The following FUT9 variants were observed in gnomAD, a reference collection of about 807,000 sequenced individuals.
FUT9 encodes the protein fucosyltransferase 9, also known as 4-galactosyl-N-acetylglucosaminide 3-alpha-L-fucosyltransferase 9.
FUT9 carries 15 observed loss-of-function variants against 29.7 expected under a neutral mutation model. That is an observed-to-expected ratio of 0.51 (90% CI 0.34 to 0.78). The LOEUF is 0.78. Among genes scored for constraint, FUT9 ranks in the 30% least tolerant of loss-of-function variants. The pLI is 0.01. For synonymous variants in FUT9, 169 were observed against 153.7 expected, an observed-to-expected ratio of 1.10 and a Z score of -0.74; for missense variants, 319 against 425.4, an observed-to-expected ratio of 0.75 and a Z score of 2.20.
chr6:96,077,706 C>G (rs1042328942), intron 1 of FUT9, among the ~76,000 whole-genome samples: 7 of 152,238 alleles, frequency 4.6e-5, no homozygotes, highest in Middle Eastern at 6.8e-3. Context: ...TTTTTTGGAG[C>G]ATATCCTACA....
chr6:96,187,581 G>C (rs1204162100), intron 2 of FUT9, among the ~76,000 whole-genome samples: 1 of 152,122 alleles, frequency 6.6e-6, no homozygotes, highest in East Asian at 1.9e-4. Flanking sequence ...ATTTTCAGTG[G>C]TAAGATCAAC....
In FUT9 at chr6:96,117,057, G is replaced by T. The variant is rs576707575; in HGVS notation, c.-9+2930G>T. On this transcript the variant is annotated intron_variant, in intron 2 of 2. Transcript: ENST00000302103. ...AAATGTAATATATAAACTTACTGAAGGTGATGCAGTCAAAGGATCTAGCCT... is the reference window on the plus strand; with the variant it reads ...AAATGTAATATATAAACTTACTGAATGTGATGCAGTCAAAGGATCTAGCCT... Among the ~76,000 whole-genome samples, 362 of 152,266 alleles carry T rather than the reference G, an allele frequency of 2.4e-3. 1 individual carries two copies. Among genetic ancestry groups the T allele is most frequent in the African/African-American group, 8.5e-3 (354 of 41,556 alleles).
chr6:96,071,012 T>G (rs1771049850), intron 1 of FUT9, among the ~76,000 whole-genome samples: 1 of 152,216 alleles, frequency 6.6e-6, no homozygotes, highest in Non-Finnish European at 1.5e-5. Flanking sequence ...AAAATAAATA[T>G]GAGCACTCTC....
At chr6:96,195,199 G>C (rs945454833) in intron 2 of FUT9, among the ~76,000 whole-genome samples, 3 of 152,012 alleles carry the variant, frequency 2.0e-5, no homozygotes, top group African/African-American at 7.2e-5. Context: ...GAAGAAGAAA[G>C]AATTTTAAAA....
rs1285596542 is a variant in FUT9 at position 96,208,291 on chromosome 6, TAA to T, written c.*4058_*4059del. 1.8e-5 allele frequency: 3 copies of T among 166,608 alleles called. No homozygotes were observed. The highest frequency in any genetic ancestry group is 7.2e-5 in the African/African-American group (3 of 41,386). The allele number at this position is 166,608 out of a possible 1,614,324, so 10.3% of individuals were successfully genotyped here. A position where few individuals can be genotyped will look rare whatever the true frequency, so the allele number is the denominator to read the frequency against. On this transcript the variant is annotated 3_prime_UTR_variant, in exon 3 of 3. Transcript: ENST00000302103. ...CCTAGAATTTTTTTTTTGCGTGAAT[TAA>T]AGTTACCACAAATTTCAGGTCCTTA...
At position 96,204,812 on chromosome 6, in the gene FUT9, A is replaced by T. The variant is rs1236359053; in HGVS notation, c.*577A>T. On this transcript the variant is annotated 3_prime_UTR_variant, in exon 3 of 3. Coordinates refer to ENST00000302103, the MANE Select transcript of FUT9 (RefSeq NM_006581.4). ...CATGGAGTGAATAAGAAAGATATGA[A>T]GCAGAACTGTTCTATTCGGGAAGCT... The T allele has an allele frequency of 6.0e-6, 1 of 166,672 alleles. No homozygotes were observed. Among genetic ancestry groups the T allele is most frequent in the Non-Finnish European group, 1.5e-5 (1 of 68,090 alleles). The allele number at this position is 166,672 out of a possible 1,614,324, so 10.3% of individuals were successfully genotyped here.
chr6:96,048,207 C>T (rs951032115), intron 1 of FUT9, among the ~76,000 whole-genome samples: 3 of 152,120 alleles, frequency 2.0e-5, no homozygotes, highest in Admixed American at 6.6e-5. Flanking sequence ...CAGGATATCA[C>T]TTGATCTTAA....
intron 2 of FUT9, among the ~76,000 whole-genome samples, chr6:96,170,482 T>A (rs1260935471): frequency 6.6e-6 from 1 of 152,082 alleles, no homozygotes; most frequent in Non-Finnish European, 1.5e-5. Flanking sequence ...ACTGTCCTTT[T>A]TTTTCTTCCA....
At chr6:96,034,682 A>G (rs746338875) in intron 1 of FUT9, among the ~76,000 whole-genome samples, 24 of 151,724 alleles carry the variant, frequency 1.6e-4, no homozygotes, top group Admixed American at 3.3e-4. Flanking sequence ...CAATTTAAAT[A>G]TGTGCTTAGA....
At chr6:96,157,148 G>A (rs1371327172) in intron 2 of FUT9, among the ~76,000 whole-genome samples, 1 of 152,186 alleles carries the variant, frequency 6.6e-6, no homozygotes, top group African/African-American at 2.4e-5. Flanking sequence ...TAACTAAGAT[G>A]TGTGTTTTTC....
In FUT9 at chr6:96,180,602, A is replaced by G. The variant is rs151266417; in HGVS notation, c.-8-22546A>G. Among the ~76,000 whole-genome samples, 897 of 152,078 alleles carry G rather than the reference A, an allele frequency of 5.9e-3. 6 individuals carry two copies. The highest frequency in any genetic ancestry group is 0.021 in the African/African-American group (866 of 41,512). On this transcript the variant is annotated intron_variant, in intron 2 of 2. Coordinates refer to ENST00000302103, the MANE Select transcript of FUT9 (RefSeq NM_006581.4). ...TGCATACTTTTGTATCAATTCACCA[A>G]CCTTTGGCTATCCCCCTGCCACCAA...
chr6:96,062,182 A>ATGT (rs1770886678), intron 1 of FUT9, among the ~76,000 whole-genome samples: 1 of 151,894 alleles, frequency 6.6e-6, no homozygotes, highest in Non-Finnish European at 1.5e-5. Flanking sequence ...CAGAACTTAA[A>ATGT]CTGTAATAAT....
At chr6:96,132,163 C>G (rs752114852) in intron 2 of FUT9, among the ~76,000 whole-genome samples, 57 of 151,648 alleles carry the variant, frequency 3.8e-4, no homozygotes, top group Non-Finnish European at 3.8e-4. Context: ...AATCAAAAGT[C>G]ATTTGTTTTT....
intron 1 of FUT9, among the ~76,000 whole-genome samples, chr6:96,077,102 C>A (rs1771152124): frequency 1.3e-5 from 2 of 152,098 alleles, no homozygotes; most frequent in African/African-American, 4.8e-5. Flanking sequence ...CTCACAAATA[C>A]ACAAATGCAG....
intron 2 of FUT9, among the ~76,000 whole-genome samples, chr6:96,116,847 T>C (rs1771920298): frequency 6.6e-6 from 1 of 152,010 alleles, no homozygotes; most frequent in African/African-American, 2.4e-5. Flanking sequence ...GAGGAAATTT[T>C]AAAGGGGGGT....
intron 1 of FUT9, among the ~76,000 whole-genome samples, chr6:96,017,758 T>C (rs1770003878): frequency 6.6e-6 from 1 of 152,158 alleles, no homozygotes; most frequent in African/African-American, 2.4e-5. Flanking sequence ...GGTATTATTA[T>C]CACTATAATT....
chr6:96,134,435 T>C (rs1772310164), intron 2 of FUT9, among the ~76,000 whole-genome samples: 1 of 151,820 alleles, frequency 6.6e-6, no homozygotes, highest in Non-Finnish European at 1.5e-5. Context: ...CAATTACTTA[T>C]TCAGGAACAT....
chr6:96,054,027 G>A (rs974209472), intron 1 of FUT9, among the ~76,000 whole-genome samples: 2 of 152,186 alleles, frequency 1.3e-5, no homozygotes, highest in South Asian at 4.1e-4. Flanking sequence ...AGCACAGGAT[G>A]TCATAAGGTG....
At chr6:96,047,193 G>A (rs1017136056) in intron 1 of FUT9, among the ~76,000 whole-genome samples, 1 of 152,116 alleles carries the variant, frequency 6.6e-6, no homozygotes, top group Non-Finnish European at 1.5e-5. Context: ...AAAATGTTAT[G>A]GAGAAATGGT....
Sources: gnomAD v4.1 joint callset for allele counts (sites outside exome capture counted in the v4.1 genomes callset) on GRCh38, gnomAD v4.1.1 for gene constraint, MANE v1.5 for transcripts, NCBI Gene and HGNC (gene_info 2026-07-23, HGNC 2026-07-21) for gene names.